GULP1: variants seen among roughly 807,000 people sequenced by gnomAD.
The protein encoded by GULP1 is PTB domain-containing engulfment adapter protein 1.
Under a neutral mutation model 40.9 loss-of-function variants are expected in GULP1, and 19 were observed. The ratio of observed to expected loss-of-function variants is 0.46; its 90% CI spans 0.32 to 0.68. The LOEUF is 0.68. GULP1 is among the 30% of genes least tolerant of loss of function. The pLI is 0.03. For missense variants in GULP1, 312 were observed against 362.2 expected (o/e 0.86, Z 1.12); for synonymous variants, 119 against 117.6 (o/e 1.01, Z -0.08).
intron 2 of GULP1, among the ~76,000 whole-genome samples, chr2:188,423,323 T>C (rs756880155): frequency 1.3e-5 from 2 of 152,052 alleles, no homozygotes; most frequent in Non-Finnish European, 1.5e-5. Context: ...ATTTCCACTT[T>C]ATGGTACTAA....
intron 1 of GULP1, among the ~76,000 whole-genome samples, chr2:188,308,361 A>G (rs2037490684): frequency 6.6e-6 from 1 of 152,190 alleles, no homozygotes; most frequent in Non-Finnish European, 1.5e-5. Context: ...TCACAGAAAA[A>G]TGTTTTAGAA....
intron 1 of GULP1, among the ~76,000 whole-genome samples, chr2:188,324,155 C>T (rs2040423120): frequency 6.6e-6 from 1 of 151,994 alleles, no homozygotes; most frequent in South Asian, 2.1e-4. Flanking sequence ...TATAAGACAT[C>T]CTAATGTCTA....
At chr2:188,581,023 C>T (rs1037721257) in intron 9 of GULP1, among the ~76,000 whole-genome samples, 1 of 152,100 alleles carries the variant, frequency 6.6e-6, no homozygotes, top group African/African-American at 2.4e-5. Flanking sequence ...AAGGTGCCCT[C>T]ATCACATTGT....
intron 1 of GULP1, among the ~76,000 whole-genome samples, chr2:188,297,262 G>A (rs1038000376): frequency 2.6e-5 from 4 of 151,668 alleles, no homozygotes; most frequent in African/African-American, 9.7e-5. Context: ...TTTGTTGTAG[G>A]CTCTAATGAT....
rs555948572 is a variant in GULP1 at position 188,343,170 on chromosome 2, G to GA, written c.-171-40583dup. Among the ~76,000 whole-genome samples the GA allele has an allele frequency of 9.9e-3, 1,470 of 148,266 alleles. 13 individuals are homozygous for GA. Among genetic ancestry groups the GA allele is most frequent in the African/African-American group, 0.015 (594 of 40,486 alleles). On this transcript the variant is annotated intron_variant, in intron 1 of 11. Coordinates refer to ENST00000409830, the MANE Select transcript of GULP1 (RefSeq NM_016315.4). ...TCTGTTCCTCTACAGAGTGGAATAG[G>GA]AAAAAAAAAACATAGAATAAAATGC... is the stretch of plus-strand genomic sequence containing the variant.
intron 1 of GULP1, among the ~76,000 whole-genome samples, chr2:188,311,641 C>T (rs961663195): frequency 6.6e-6 from 1 of 151,194 alleles, no homozygotes; most frequent in Non-Finnish European, 1.5e-5. Context: ...TTGATTTTCT[C>T]AGTTACTGAA....
At chr2:188,550,365 AT>A (rs984041169) in intron 7 of GULP1, among the ~76,000 whole-genome samples, 1 of 151,646 alleles carries the variant, frequency 6.6e-6, no homozygotes, top group Non-Finnish European at 1.5e-5. Context: ...GATATGGTTG[AT>A]TTTTATTATA....
At chr2:188,319,766 A>G (rs1375468041) in intron 1 of GULP1, among the ~76,000 whole-genome samples, 2 of 152,110 alleles carry the variant, frequency 1.3e-5, no homozygotes, top group Non-Finnish European at 2.9e-5. Context: ...ATTAGCCATA[A>G]ATACTTATTA....
chr2:188,540,943 C>T (rs1039846352), intron 6 of GULP1, among the ~76,000 whole-genome samples: 7 of 152,104 alleles, frequency 4.6e-5, no homozygotes, highest in African/African-American at 1.7e-4. Flanking sequence ...TCATTTTGTA[C>T]TATGCTTATG....
At chr2:188,411,737 T>C (rs192630627) in intron 2 of GULP1, among the ~76,000 whole-genome samples, 1 of 152,366 alleles carries the variant, frequency 6.6e-6, no homozygotes, top group East Asian at 1.9e-4. Flanking sequence ...AACCATTGGC[T>C]ACAGCCCATG....
rs548336232 is a variant in GULP1, at chr2:188,327,519, A to G, written c.-172+35353A>G. Among the ~76,000 whole-genome samples, 10 of 152,264 alleles carry G rather than the reference A, an allele frequency of 6.6e-5. No homozygotes were observed. The East Asian group carries it at 7.7e-4, about 12-fold the overall frequency. ...ACTGAGACTGTAGAGGCTATTTACT[A>G]TGAAGTTAATGGACCACAGGCTTCA... On this transcript the variant is annotated intron_variant, in intron 1 of 11. Coordinates refer to ENST00000409830, the MANE Select transcript of GULP1 (RefSeq NM_016315.4).
At chr2:188,446,646 C>T (rs927033287) in intron 2 of GULP1, among the ~76,000 whole-genome samples, 1 of 152,110 alleles carries the variant, frequency 6.6e-6, no homozygotes, top group African/African-American at 2.4e-5. Context: ...TTCTTCAGTG[C>T]CAGTGCTTGT....
chr2:188,392,286 A>G (rs958989258), intron 2 of GULP1, among the ~76,000 whole-genome samples: 19 of 144,588 alleles, frequency 1.3e-4, no homozygotes, highest in African/African-American at 4.6e-4. Flanking sequence ...ACTGCTTTTT[A>G]TTGGTTTGTT....
chr2:188,480,745 A>T (rs1452610323), intron 3 of GULP1, among the ~76,000 whole-genome samples: 1 of 151,814 alleles, frequency 6.6e-6, no homozygotes, highest in African/African-American at 2.4e-5. Context: ...ATCAAATATA[A>T]ATCATTAAGT....
chr2:188,588,786 C>G (rs1255040790), intron 11 of GULP1: 1 of 152,044 alleles, frequency 6.6e-6, no homozygotes, highest in African/African-American at 2.4e-5. Context: ...CTCTATGCCT[C>G]ACTTCCTAGA....
chr2:188,385,377 T>C (rs2152517259), intron 2 of GULP1, among the ~76,000 whole-genome samples: 1 of 152,238 alleles, frequency 6.6e-6, no homozygotes, highest in African/African-American at 2.4e-5. Context: ...TGCAGGCCCA[T>C]CAAGTCCCTA....
At chr2:188,466,012 G>T (rs1294068015) in intron 2 of GULP1, among the ~76,000 whole-genome samples, 1 of 151,678 alleles carries the variant, frequency 6.6e-6, no homozygotes, top group Admixed American at 6.6e-5. Flanking sequence ...TTAACTTGGT[G>T]TCCTCACTGG....
intron 1 of GULP1, among the ~76,000 whole-genome samples, chr2:188,345,439 A>G (rs2043511070): frequency 6.6e-6 from 1 of 152,214 alleles, no homozygotes; most frequent in Admixed American, 6.5e-5. Flanking sequence ...AACAGGATAG[A>G]ATGTACCCAG....
At chr2:188,572,882 G>C (rs997613301) in intron 9 of GULP1, among the ~76,000 whole-genome samples, 6 of 152,126 alleles carry the variant, frequency 3.9e-5, no homozygotes, top group African/African-American at 1.4e-4. Flanking sequence ...GGGTCTAGAA[G>C]ATGATCAAAG....
Sources: gnomAD v4.1 joint callset for allele counts (sites outside exome capture counted in the v4.1 genomes callset) on GRCh38, gnomAD v4.1.1 for gene constraint, MANE v1.5 for transcripts, NCBI Gene and HGNC (gene_info 2026-07-23, HGNC 2026-07-21) for gene names.